Variants in ZCCHC7 observed in about 807,000 individuals in gnomAD.
ZCCHC7 encodes zinc finger CCHC-type containing 7.
ZCCHC7 carries 35 observed loss-of-function variants against 52.0 expected under a neutral mutation model. That is an observed-to-expected ratio of 0.67 (90% CI 0.51 to 0.89). ZCCHC7 has a LOEUF of 0.89. ZCCHC7 is among the 40% of genes least tolerant of loss of function. ZCCHC7 has a pLI of 0.00. For missense variants in ZCCHC7, 574 were observed against 649.1 expected (o/e 0.88, Z 1.26); for synonymous variants, 217 against 221.5 (o/e 0.98, Z 0.18).
intron 2 of ZCCHC7, among the ~76,000 whole-genome samples, chr9:37,195,933 G>C (rs992043828): frequency 1.3e-5 from 2 of 152,074 alleles, no homozygotes; most frequent in African/African-American, 2.4e-5. Context: ...AAGTTTGTGT[G>C]ATTTTTTAAA....
intron 5 of ZCCHC7, among the ~76,000 whole-genome samples, chr9:37,309,199 A>G (rs1829480365): frequency 6.6e-6 from 1 of 152,122 alleles, no homozygotes; most frequent in Non-Finnish European, 1.5e-5. Context: ...CAGCCCAGTC[A>G]AGCCTGGGCT....
intron 2 of ZCCHC7, among the ~76,000 whole-genome samples, chr9:37,268,576 G>A (rs372354524): frequency 2.6e-5 from 4 of 151,936 alleles, no homozygotes; most frequent in African/African-American, 9.7e-5. Context: ...ACAGGCGCCC[G>A]CCACCATGCC....
At chr9:37,180,521 AC>A (rs36068881) in intron 2 of ZCCHC7, among the ~76,000 whole-genome samples, 6,019 of 152,220 alleles carry the variant, frequency 0.04, 374 homozygotes, top group African/African-American at 0.13. Context: ...TCTGAAAAAA[AC>A]GTCTTGTCTT....
chr9:37,323,397 G>T (rs1830125163), intron 5 of ZCCHC7, among the ~76,000 whole-genome samples: 1 of 152,144 alleles, frequency 6.6e-6, no homozygotes, highest in African/African-American at 2.4e-5. Context: ...CAGTTTCCCT[G>T]ATTACAGAGG....
chr9:37,173,665 C>G (rs751548219), intron 2 of ZCCHC7, among the ~76,000 whole-genome samples: 1 of 152,104 alleles, frequency 6.6e-6, no homozygotes, highest in Admixed American at 6.5e-5. Flanking sequence ...AGATTAAAAA[C>G]TTTTCTTTGA....
chr9:37,208,822 TA>T, intron 2 of ZCCHC7, among the ~76,000 whole-genome samples: 1 of 152,260 alleles, frequency 6.6e-6, no homozygotes, highest in East Asian at 1.9e-4. Flanking sequence ...TTTTAACACA[TA>T]AATCAGACAA....
chr9:37,235,234 T>C (rs1184587560), intron 2 of ZCCHC7, among the ~76,000 whole-genome samples: 3 of 152,202 alleles, frequency 2.0e-5, no homozygotes, highest in Non-Finnish European at 4.4e-5. Flanking sequence ...TGTTCTTTTA[T>C]ACCTATTGAC....
chr9:37,198,992 CTGT>C (rs1356324387), intron 2 of ZCCHC7, among the ~76,000 whole-genome samples: 1 of 152,182 alleles, frequency 6.6e-6, no homozygotes, highest in Non-Finnish European at 1.5e-5. Flanking sequence ...TGCTTACCAC[CTGT>C]ATCTTTTAGC....
intron 2 of ZCCHC7, among the ~76,000 whole-genome samples, chr9:37,154,742 G>A (rs1036107160): frequency 2.6e-5 from 4 of 151,824 alleles, no homozygotes; most frequent in African/African-American, 9.7e-5. Context: ...CCATCTATCT[G>A]CCTCTGCCTC....
intron 6 of ZCCHC7, among the ~76,000 whole-genome samples, chr9:37,335,898 G>T (rs1209653069): frequency 1.3e-5 from 2 of 152,090 alleles, no homozygotes; most frequent in African/African-American, 4.8e-5. Flanking sequence ...ATTAATAAAT[G>T]TGTGAGTCTT....
At chr9:37,221,938 C>G (rs192796901) in intron 2 of ZCCHC7, among the ~76,000 whole-genome samples, 31 of 151,654 alleles carry the variant, frequency 2.0e-4, no homozygotes, top group Admixed American at 7.9e-4. Context: ...ATAAAAGATT[C>G]ATAAAGATTC....
At chr9:37,352,591 T>A (rs921761444) in intron 7 of ZCCHC7, among the ~76,000 whole-genome samples, 1 of 142,544 alleles carries the variant, frequency 7.0e-6, no homozygotes, top group East Asian at 2.1e-4. Flanking sequence ...CAGTCTTGGC[T>A]CACTGCAACC....
intron 2 of ZCCHC7, among the ~76,000 whole-genome samples, chr9:37,192,186 A>G (rs944190104): frequency 3.3e-5 from 5 of 152,226 alleles, no homozygotes; most frequent in African/African-American, 1.2e-4. Context: ...TCTCTCATAT[A>G]GGAATTTTTT....
At chr9:37,301,754 G>A (rs945477712) in intron 2 of ZCCHC7, among the ~76,000 whole-genome samples, 7 of 152,220 alleles carry the variant, frequency 4.6e-5, no homozygotes, top group South Asian at 2.1e-4. Context: ...TCCTGGAGGT[G>A]TGAGAGGGTT....
At chr9:37,198,835 G>C (rs1823431080) in intron 2 of ZCCHC7, among the ~76,000 whole-genome samples, 2 of 152,190 alleles carry the variant, frequency 1.3e-5, no homozygotes, top group East Asian at 3.8e-4. Context: ...ATAGGTGGTA[G>C]AGTGAAGGAA....
intron 1 of ZCCHC7, among the ~76,000 whole-genome samples, chr9:37,121,427 T>G (rs2132655328): frequency 6.6e-6 from 1 of 152,334 alleles, no homozygotes; most frequent in Non-Finnish European, 1.5e-5. Context: ...GCGTTCAATT[T>G]GATGACTTTT....
chr9:37,242,734 G>A (rs1188212818), intron 2 of ZCCHC7, among the ~76,000 whole-genome samples: 1 of 151,732 alleles, frequency 6.6e-6, no homozygotes, highest in Non-Finnish European at 1.5e-5. Context: ...GCTGCCTCAA[G>A]TTATTTTAAA....
intron 2 of ZCCHC7, among the ~76,000 whole-genome samples, chr9:37,144,702 C>T (rs1843360478): frequency 6.6e-6 from 1 of 151,984 alleles, no homozygotes; most frequent in Non-Finnish European, 1.5e-5. Flanking sequence ...GACATTCTAT[C>T]ATCCAGGTGT....
At chr9:37,147,819 T>G (rs1316342429) in intron 2 of ZCCHC7, among the ~76,000 whole-genome samples, 1 of 152,116 alleles carries the variant, frequency 6.6e-6, no homozygotes, top group East Asian at 1.9e-4. Flanking sequence ...TGAAAAATAC[T>G]TATCAACTAA....
Sources: gnomAD v4.1 joint callset for allele counts (sites outside exome capture counted in the v4.1 genomes callset) on GRCh38, gnomAD v4.1.1 for gene constraint, MANE v1.5 for transcripts, NCBI Gene and HGNC (gene_info 2026-07-23, HGNC 2026-07-21) for gene names.